The following INPP4B variants were observed in gnomAD, a reference collection of about 807,000 sequenced individuals.
INPP4B encodes inositol polyphosphate 4-phosphatase type II.
INPP4B carries 55 observed loss-of-function variants against 122.5 expected under a neutral mutation model. The observed-to-expected ratio is 0.45, with a 90% CI of 0.36 to 0.56. The LOEUF (loss-of-function observed/expected upper bound fraction) is 0.56. Ranked by LOEUF, INPP4B falls within the 20% of genes least tolerant of loss-of-function variation. The probability of loss-of-function intolerance (pLI) is 0.00; values close to 1 mark genes in which losing one functional copy is unlikely to be tolerated. For synonymous variants in INPP4B, 403 were observed against 388.7 expected (o/e 1.04, Z -0.43); for missense variants, 1,000 against 1,097.7 (o/e 0.91, Z 1.26).
intron 2 of INPP4B, among the ~76,000 whole-genome samples, chr4:142,613,752 GCTTCA>G (rs1298192568): frequency 6.6e-6 from 1 of 152,174 alleles, no homozygotes; most frequent in Non-Finnish European, 1.5e-5. Flanking sequence ...TGCTTGGCTA[GCTTCA>G]CTTGTCATTT....
At chr4:142,798,795 A>C (rs987788311) in intron 1 of INPP4B, among the ~76,000 whole-genome samples, 1 of 151,722 alleles carries the variant, frequency 6.6e-6, no homozygotes, top group African/African-American at 2.4e-5. Context: ...ATTTATTTAA[A>C]GTATATATAA....
intron 10 of INPP4B, among the ~76,000 whole-genome samples, chr4:142,267,434 A>C (rs888249427): frequency 6.6e-6 from 1 of 152,204 alleles, no homozygotes; most frequent in Non-Finnish European, 1.5e-5. Flanking sequence ...ATTCGTTTTC[A>C]ACAAAGGTAC....
Position 142,676,291 on chromosome 4 carries a change from G to A in INPP4B, c.-191+49548C>T, listed in dbSNP as rs925761366. Among the ~76,000 whole-genome samples the A allele has an allele frequency of 3.9e-5, 6 of 152,128 alleles. No individual in the cohort carries two copies. In the South Asian group the frequency reaches 1.0e-3, roughly 26 times the overall value. Reference sequence around the variant, plus strand: ...CCTAGGAATACAACTTACAAGGGATGTGAAGGACCTCTTCAAGGAGAACTA... The same window carrying A: ...CCTAGGAATACAACTTACAAGGGATATGAAGGACCTCTTCAAGGAGAACTA... On this transcript the variant is annotated intron_variant, in intron 2 of 25. Transcript: ENST00000262992.
chr4:142,256,226 G>A (rs948299268), intron 11 of INPP4B, among the ~76,000 whole-genome samples: 4 of 151,516 alleles, frequency 2.6e-5, no homozygotes, highest in Admixed American at 1.3e-4. Context: ...GAAATTTATA[G>A]CACTAAATGC....
intron 25 of INPP4B, among the ~76,000 whole-genome samples, chr4:142,048,561 TTG>T (rs760880885): frequency 6.6e-6 from 1 of 151,958 alleles, no homozygotes; most frequent in East Asian, 1.9e-4. Flanking sequence ...TTTGTTATGT[TTG>T]TGTGTTACAT....
At chr4:142,624,139 G>A (rs955451391) in intron 2 of INPP4B, among the ~76,000 whole-genome samples, 14 of 151,380 alleles carry the variant, frequency 9.2e-5, no homozygotes, top group Admixed American at 3.9e-4. Context: ...CTGAGGAATC[G>A]CCACACTGAC....
chr4:142,614,832 C>T (rs1743352798), intron 2 of INPP4B, among the ~76,000 whole-genome samples: 2 of 151,848 alleles, frequency 1.3e-5, no homozygotes, highest in Non-Finnish European at 2.9e-5. Flanking sequence ...AAATTAAAAC[C>T]ACAATGAGAT....
At chr4:142,335,222 C>G (rs1776193609) in intron 7 of INPP4B, among the ~76,000 whole-genome samples, 1 of 151,788 alleles carries the variant, frequency 6.6e-6, no homozygotes, top group African/African-American at 2.4e-5. Flanking sequence ...TTCACTTCTC[C>G]CATTTTCTTT....
chr4:142,559,998 A>G (rs911146811), intron 2 of INPP4B, among the ~76,000 whole-genome samples: 5 of 152,348 alleles, frequency 3.3e-5, no homozygotes, highest in African/African-American at 1.2e-4. Context: ...TAAGTGGTAT[A>G]TGAGGACTGG....
At chr4:142,332,872 G>T (rs1339147782) in intron 7 of INPP4B, among the ~76,000 whole-genome samples, 1 of 150,790 alleles carries the variant, frequency 6.6e-6, no homozygotes, top group Non-Finnish European at 1.5e-5. Flanking sequence ...AAGGCCAGGC[G>T]TGGTGGCGGG....
rs1342337273 is a variant in INPP4B, at chr4:142,237,857, C to T, written c.836+7G>A. ...TAATATGAGAGAAAATAGTTATTTT[C>T]TCTTACCTGCACAAATCTTCTTTAA... On this transcript the variant is annotated splice_region_variant and intron_variant, in intron 12 of 25. Coordinates refer to ENST00000262992, the MANE Select transcript of INPP4B (RefSeq NM_001101669.3). The T allele has an allele frequency of 1.3e-6, 2 of 1,501,138 alleles. No individual in the cohort carries two copies. The highest frequency in any genetic ancestry group is 1.8e-6 in the Non-Finnish European group (2 of 1,099,242). The allele number at this position is 1,501,138 out of a possible 1,614,324, so 93.0% of individuals were successfully genotyped here.
rs150361718 is a variant in INPP4B at position 142,784,224 on chromosome 4, G to A, written c.-253-58323C>T. Among the ~76,000 whole-genome samples, 158 of 151,960 alleles carry A rather than the reference G, an allele frequency of 1.0e-3. 3 individuals carry two copies. Among genetic ancestry groups the A allele is most frequent in the South Asian group, 9.4e-3 (45 of 4,812 alleles). On this transcript the variant is annotated intron_variant, in intron 1 of 25. Coordinates refer to ENST00000262992, the MANE Select transcript of INPP4B (RefSeq NM_001101669.3). Reference sequence around the variant, plus strand: ...CTAACAGTTCAAAAATTAGCCGGGCGTGGTGGCATGTGCCTGTAGTCCCAG... The same window carrying A: ...CTAACAGTTCAAAAATTAGCCGGGCATGGTGGCATGTGCCTGTAGTCCCAG...
At chr4:142,599,803 C>T (rs962813777) in intron 2 of INPP4B, among the ~76,000 whole-genome samples, 11 of 151,646 alleles carry the variant, frequency 7.3e-5, no homozygotes, top group Admixed American at 1.3e-4. Flanking sequence ...ATTTATACTA[C>T]GAGTGAGAAA....
In INPP4B at chr4:142,771,738, G is replaced by T. The variant is rs889429425; in HGVS notation, c.-253-45837C>A. ...AACTCTTGTGACCAAGAAGTGATCT[G>T]ATTTTGTAAACCAACCAACCAACTA... On this transcript the variant is annotated intron_variant, in intron 1 of 25. Transcript: ENST00000262992. 3.9e-5 allele frequency among the ~76,000 whole-genome samples: 6 copies of T among 152,136 alleles called. No individual in the cohort carries two copies. The East Asian group carries it at 1.2e-3, about 29-fold the overall frequency.
intron 2 of INPP4B, among the ~76,000 whole-genome samples, chr4:142,643,750 A>C (rs1001977641): frequency 6.6e-6 from 1 of 152,198 alleles, no homozygotes; most frequent in African/African-American, 2.4e-5. Flanking sequence ...GCAGAGGTTT[A>C]AGTGAGGATT....
chr4:142,309,663 G>A (rs1239516615), intron 8 of INPP4B, among the ~76,000 whole-genome samples: 1 of 152,110 alleles, frequency 6.6e-6, no homozygotes, highest in Non-Finnish European at 1.5e-5. Flanking sequence ...AGGACAGGTG[G>A]CAATTCCCTT....
intron 9 of INPP4B, among the ~76,000 whole-genome samples, chr4:142,288,035 G>C (rs183893974): frequency 6.6e-6 from 1 of 152,038 alleles, no homozygotes; most frequent in Non-Finnish European, 1.5e-5. Context: ...CCCACCATGA[G>C]GGCCTCACAC....
chr4:142,069,092 C>T (rs1043488832), intron 25 of INPP4B, among the ~76,000 whole-genome samples: 2 of 152,178 alleles, frequency 1.3e-5, no homozygotes, highest in African/African-American at 2.4e-5. Flanking sequence ...GTAAAGCACT[C>T]CTCAGCAAAT....
In INPP4B at chr4:142,045,565, C is replaced by T. The variant is rs565082812; in HGVS notation, c.2643-16651G>A. ...GCATTTTTCTTTTTTAAAATTGGTACTGTCCCACTGTAAGTTACAGAGACT... is the reference window on the plus strand; with the variant it reads ...GCATTTTTCTTTTTTAAAATTGGTATTGTCCCACTGTAAGTTACAGAGACT... On this transcript the variant is annotated intron_variant, in intron 25 of 25. Coordinates refer to ENST00000262992, the MANE Select transcript of INPP4B (RefSeq NM_001101669.3). Among the ~76,000 whole-genome samples, 113 of 152,142 alleles carry T rather than the reference C, an allele frequency of 7.4e-4. 1 individual carries two copies. The highest frequency in any genetic ancestry group is 2.6e-3 in the African/African-American group (108 of 41,518).
Sources: gnomAD v4.1 joint callset for allele counts (sites outside exome capture counted in the v4.1 genomes callset) on GRCh38, gnomAD v4.1.1 for gene constraint, MANE v1.5 for transcripts, NCBI Gene and HGNC (gene_info 2026-07-23, HGNC 2026-07-21) for gene names.